The following SRGAP3 variants were observed in gnomAD, a reference collection of about 807,000 sequenced individuals.
SRGAP3 encodes the protein SLIT-ROBO Rho GTPase-activating protein 3.
Under a neutral mutation model 121.1 loss-of-function variants are expected in SRGAP3, and 39 were observed. The ratio of observed to expected loss-of-function variants is 0.32; its 90% CI spans 0.25 to 0.42. The LOEUF (loss-of-function observed/expected upper bound fraction) is 0.42, where lower values mean the gene tolerates loss of function less well. SRGAP3 is among the 10% of genes least tolerant of loss of function. The pLI is 1.00. For synonymous variants in SRGAP3, 601 were observed against 570.0 expected (o/e 1.05, Z -0.77); for missense variants, 1,213 against 1,470.6 (o/e 0.82, Z 2.86).
intron 15 of SRGAP3, chr3:9,014,816 A>G (rs1943551511): frequency 6.6e-6 from 1 of 152,204 alleles, no homozygotes; most frequent in Admixed American, 6.5e-5. Context: ...AACACCCCAA[A>G]TGAAACTGGG....
chr3:9,058,728 T>C lies in SRGAP3; in HGVS notation c.802-256A>G, dbSNP rs1945969117. ...TTTCTCTCTCTCTTTTTTTTTTTTT[T>C]TTTTTTTTTGAGACGGAGTCTAGCT... On this transcript the variant is annotated intron_variant, in intron 6 of 21. Transcript: ENST00000383836. 11 of 488,872 alleles carry C rather than the reference T, an allele frequency of 2.3e-5. No individual in the cohort carries two copies. In the South Asian group the frequency reaches 2.3e-4, roughly 10 times the overall value. 30.3% of individuals were successfully genotyped at this position (488,872 alleles called of 1,614,324 possible).
In SRGAP3 at chr3:8,990,523, C is replaced by A. The variant is rs760482265; in HGVS notation, c.2875G>T (p.Ala959Ser). 2 of 1,556,806 alleles carry A rather than the reference C, an allele frequency of 1.3e-6. No individual in the cohort carries two copies. The highest frequency in any genetic ancestry group is 2.4e-5 in the East Asian group (1 of 41,650). ...CCGCTGGCCCTTACTTCTGCCAGGG[C>A]CTCGGCCTCCAGGGACTTGTGGTCC... ...LGDHKSLEAE[A>S]LAEDIEKTMS... The change falls in exon 21 of 22, where the codon GCC becomes TCC. Residue 959 changes from alanine to serine, a missense_variant. Coordinates refer to ENST00000383836, the MANE Select transcript of SRGAP3 (RefSeq NM_014850.4).
Position 9,056,308 on chromosome 3 carries a change from G to A in SRGAP3, c.1050C>T (p.Pro350=), listed in dbSNP as rs150647893. 8.8e-5 allele frequency: 142 copies of A among 1,613,534 alleles called. No individual in the cohort carries two copies. The highest frequency in any genetic ancestry group is 4.0e-5 in the African/African-American group (3 of 75,026). ...AACGCATGAGCAGTTCTGTCTGGAC[G>A]GGCTGCTGAGCGCTGACCTGGCAGA... is the stretch of plus-strand genomic sequence containing the variant. ...DEVCQVSAQQ[P]VQTELLMRYH... is the part of the protein sequence containing the mutation. The change falls in exon 8 of 22, where the codon CCC becomes CCT. Residue 350 remains proline (P), a synonymous_variant. Transcript: ENST00000383836.
At chr3:9,208,025 T>A in intron 1 of SRGAP3, among the ~76,000 whole-genome samples, 1 of 152,156 alleles carries the variant, frequency 6.6e-6, no homozygotes, top group East Asian at 1.9e-4. Flanking sequence ...TCCAGCAACG[T>A]CTGAACAGAT....
chr3:9,091,377 T>C (rs1947749205), intron 3 of SRGAP3, among the ~76,000 whole-genome samples: 1 of 151,854 alleles, frequency 6.6e-6, no homozygotes, highest in South Asian at 2.1e-4. Flanking sequence ...CAAATACAAC[T>C]CAACAACAAC....
intron 12 of SRGAP3, chr3:9,027,968 T>A (rs1218001124): frequency 9.5e-7 from 1 of 1,056,798 alleles, no homozygotes; most frequent in African/African-American, 1.6e-5. Flanking sequence ...TTTCCTTGAT[T>A]GACTGTGCCC....
intron 3 of SRGAP3, among the ~76,000 whole-genome samples, chr3:9,290,209 G>A (rs910112428): frequency 6.6e-5 from 10 of 152,166 alleles, no homozygotes; most frequent in African/African-American, 2.4e-4. Context: ...TGGCCTCTGA[G>A]TATTTCTTCA....
At chr3:9,010,164 G>A in intron 18 of SRGAP3, 144 bp downstream of exon 18, 1 of 975,238 alleles carries the variant, frequency 1.0e-6, no homozygotes, top group Non-Finnish European at 1.6e-6. Flanking sequence ...AGGTTTTTCG[G>A]GGTCTTCGTC....
intron 3 of SRGAP3, among the ~76,000 whole-genome samples, chr3:9,283,874 G>C (rs1269085043): frequency 6.6e-6 from 1 of 152,150 alleles, no homozygotes; most frequent in African/African-American, 2.4e-5. Context: ...AGTACACATG[G>C]ACACAAGACT....
intron 1 of SRGAP3, among the ~76,000 whole-genome samples, chr3:9,360,803 T>C (rs1180330996): frequency 6.6e-6 from 1 of 152,170 alleles, no homozygotes; most frequent in Non-Finnish European, 1.5e-5. Flanking sequence ...TCCCACAATA[T>C]ATGGGAATTA....
chr3:9,180,998 G>A (rs1008825363), intron 1 of SRGAP3, among the ~76,000 whole-genome samples: 8 of 152,336 alleles, frequency 5.3e-5, no homozygotes, highest in South Asian at 2.1e-4. Context: ...GGAGGCAGCC[G>A]GGGGCAGTGG....
At chr3:9,002,854 A>G (rs991524355) in intron 18 of SRGAP3, among the ~76,000 whole-genome samples, 2 of 152,170 alleles carry the variant, frequency 1.3e-5, no homozygotes, top group African/African-American at 4.8e-5. Flanking sequence ...AAATTAATAA[A>G]TTCCTAGAAA....
Position 9,032,695 on chromosome 3 carries a change from C to A in SRGAP3, c.1494G>T (p.Val498=). ...QKMRRPRPLS[V]YSHKLFNGSM... ...TGCCGTTAAAGAGTTTATGGCTATA[C>A]ACTGAGAGAGGCCTAGGTCTCCTCA... Residue 498 remains valine (V), a synonymous_variant, in exon 12 of 22, where the codon GTG becomes GTT. Coordinates refer to ENST00000383836, the MANE Select transcript of SRGAP3 (RefSeq NM_014850.4). 1 of 1,613,440 alleles carries A rather than the reference C, an allele frequency of 6.2e-7. No individual in the cohort carries two copies. Among genetic ancestry groups the A allele is most frequent in the Non-Finnish European group, 8.5e-7 (1 of 1,179,870 alleles).
chr3:9,006,493 A>G (rs563082344), intron 18 of SRGAP3, among the ~76,000 whole-genome samples: 1 of 146,858 alleles, frequency 6.8e-6, no homozygotes, highest in Non-Finnish European at 1.5e-5. Context: ...AATACCATCA[A>G]AAACCTCACC....
At chr3:9,299,129 G>A (rs771523461) in intron 3 of SRGAP3, among the ~76,000 whole-genome samples, 6 of 150,008 alleles carry the variant, frequency 4.0e-5, no homozygotes, top group Admixed American at 1.3e-4. Context: ...TTGGGAGGCC[G>A]AGCCGGATGG....
intron 3 of SRGAP3, among the ~76,000 whole-genome samples, chr3:9,267,795 G>T (rs56268045): frequency 6.6e-6 from 1 of 152,086 alleles, no homozygotes; most frequent in African/African-American, 2.4e-5. Context: ...CTGAGTATCA[G>T]GTACCCTAAA....
intron 3 of SRGAP3, chr3:9,081,432 C>T (rs2669986): frequency 0.38 from 135,766 of 356,626 alleles, 26,968 homozygotes; most frequent in African/African-American, 0.53. Context: ...CTTTGAGCCT[C>T]AGCTACCTCA....
chr3:9,134,182 C>T (rs1378052130), intron 1 of SRGAP3, among the ~76,000 whole-genome samples: 1 of 152,100 alleles, frequency 6.6e-6, no homozygotes, highest in Admixed American at 6.5e-5. Flanking sequence ...GTAAGAGGGG[C>T]CAGAGTATGA....
At chr3:9,201,084 G>C (rs1952054917) in intron 1 of SRGAP3, among the ~76,000 whole-genome samples, 1 of 152,114 alleles carries the variant, frequency 6.6e-6, no homozygotes, top group Non-Finnish European at 1.5e-5. Flanking sequence ...TGGTCCAGAT[G>C]GATATATTCC....
Sources: allele counts gnomAD v4.1 joint callset (sites outside exome capture counted in the v4.1 genomes callset), GRCh38; gene constraint gnomAD v4.1.1; transcripts MANE v1.5; gene names NCBI Gene and HGNC (gene_info 2026-07-23, HGNC 2026-07-21).